NAALADL2: variants seen among roughly 807,000 people sequenced by gnomAD.
The protein encoded by NAALADL2 is inactive N-acetylated-alpha-linked acidic dipeptidase-like protein 2.
In NAALADL2, 76 loss-of-function variants were observed where a neutral mutation model predicts 87.2. The ratio of observed to expected loss-of-function variants is 0.87; its 90% CI spans 0.72 to 1.05. The LOEUF (loss-of-function observed/expected upper bound fraction) is 1.05, where lower values mean the gene tolerates loss of function less well. Ranked by LOEUF, NAALADL2 falls within the 50% of genes least tolerant of loss-of-function variation. The probability of loss-of-function intolerance (pLI) is 0.00; values close to 1 mark genes in which losing one functional copy is unlikely to be tolerated. For synonymous variants in NAALADL2, 354 were observed against 331.0 expected (o/e 1.07, Z -0.75); for missense variants, 1,089 against 945.8 (o/e 1.15, Z -1.99).
At chr3:174,538,232 T>G (rs940536552) in intron 1 of NAALADL2, among the ~76,000 whole-genome samples, 8 of 152,288 alleles carry the variant, frequency 5.3e-5, no homozygotes, top group Non-Finnish European at 1.0e-4. Flanking sequence ...AATAAAATTC[T>G]AAGTCCCCAG....
chr3:175,643,573 A>T (rs1729580236), intron 11 of NAALADL2, among the ~76,000 whole-genome samples: 1 of 152,276 alleles, frequency 6.6e-6, no homozygotes, highest in East Asian at 1.9e-4. Flanking sequence ...CTGGATTTAT[A>T]TAGGATTTGG....
chr3:174,735,670 C>T (rs1733122389), intron 2 of NAALADL2, among the ~76,000 whole-genome samples: 1 of 152,154 alleles, frequency 6.6e-6, no homozygotes, highest in Non-Finnish European at 1.5e-5. Context: ...AGTGATCCTT[C>T]CACCTCAGCC....
intron 5 of NAALADL2, among the ~76,000 whole-genome samples, chr3:175,384,295 GGCTTTT>G (rs1489912535): frequency 2.2e-4 from 34 of 151,960 alleles, no homozygotes; most frequent in Admixed American, 6.6e-5. Flanking sequence ...GTTGGCAAAA[GGCTTTT>G]GCTGGTATCC....
intron 5 of NAALADL2, among the ~76,000 whole-genome samples, chr3:175,377,224 A>G (rs1767239233): frequency 6.6e-6 from 1 of 152,102 alleles, no homozygotes; most frequent in Non-Finnish European, 1.5e-5. Context: ...AGGCTCGAGA[A>G]TCGAATGAAC....
chr3:174,524,777 G>C (rs1720586082), intron 1 of NAALADL2, among the ~76,000 whole-genome samples: 1 of 151,804 alleles, frequency 6.6e-6, no homozygotes, highest in Admixed American at 6.6e-5. Context: ...TGCTCAGGCT[G>C]ATCTCTCCTG....
chr3:175,014,289 C>G (rs559302399), intron 1 of NAALADL2, among the ~76,000 whole-genome samples: 1 of 152,138 alleles, frequency 6.6e-6, no homozygotes, highest in East Asian at 1.9e-4. Flanking sequence ...TATATCCTTG[C>G]TTCCTTCCCT....
At position 174,605,530 on chromosome 3, in the gene NAALADL2, C is replaced by T. The variant is rs192882388; in HGVS notation, c.-115+54893C>T. Among the ~76,000 whole-genome samples the T allele has an allele frequency of 4.7e-3, 709 of 152,276 alleles. 4 individuals carry two copies. The highest frequency in any genetic ancestry group is 6.7e-3 in the Non-Finnish European group (454 of 68,028). ...AGGAGATTATATCCTGCACCTGGCTCGGAGGGTCCTACGCCCACGGAGTCT... is the reference window on the plus strand; with the variant it reads ...AGGAGATTATATCCTGCACCTGGCTTGGAGGGTCCTACGCCCACGGAGTCT... On this transcript the variant is annotated intron_variant, in intron 2 of 3. Transcript: ENST00000434257.
At chr3:174,684,370 A>G (rs909675402) in intron 2 of NAALADL2, among the ~76,000 whole-genome samples, 1 of 152,124 alleles carries the variant, frequency 6.6e-6, no homozygotes, top group Non-Finnish European at 1.5e-5. Context: ...TGAGTTTACA[A>G]ATATACCTTT....
At chr3:174,615,522 G>A (rs1244482175) in intron 2 of NAALADL2, among the ~76,000 whole-genome samples, 1 of 152,180 alleles carries the variant, frequency 6.6e-6, no homozygotes, top group Admixed American at 6.6e-5. Flanking sequence ...ATTGCTTGGT[G>A]TATTAAGGAA....
rs76203395 is a variant in NAALADL2 at position 175,125,528 on chromosome 3, G to A, written c.545+28237G>A. On this transcript the variant is annotated intron_variant, in intron 2 of 13. Transcript: ENST00000454872. ...ATTGGATCCTTTATGTGTTTTGAAGGTCAAATGAACGGGATCCTTTGATTG... is the reference window on the plus strand; with the variant it reads ...ATTGGATCCTTTATGTGTTTTGAAGATCAAATGAACGGGATCCTTTGATTG... Among the ~76,000 whole-genome samples, 560 of 152,132 alleles carry A rather than the reference G, an allele frequency of 3.7e-3. 3 individuals are homozygous for A. Among genetic ancestry groups the A allele is most frequent in the South Asian group, 8.7e-3 (42 of 4,824 alleles).
Position 175,097,210 on chromosome 3 carries a change from C to G in NAALADL2, c.464C>G (p.Pro155Arg). 6.2e-7 allele frequency: 1 copy of G among 1,613,108 alleles called. No individual in the cohort carries two copies. Among genetic ancestry groups the G allele is most frequent in the African/African-American group, 1.3e-5 (1 of 74,990 alleles). Residue 155 changes from proline (P) to arginine (R), a missense_variant, in exon 2 of 14, where the codon CCA (proline) becomes CGA (arginine). Physicochemically the swap from Pro to Arg is moderately radical, Grantham distance 103. Coordinates refer to ENST00000454872, the MANE Select transcript of NAALADL2 (RefSeq NM_207015.3). ...CATACAAATTGCCCTTCAGATGCTCCATCTTCAGGAACAGTTGATCCTCAG... is the reference window on the plus strand; with the variant it reads ...CATACAAATTGCCCTTCAGATGCTCGATCTTCAGGAACAGTTGATCCTCAG... The part of the protein sequence containing the change: ...YVHTNCPSDA[P>R]SSGTVDPQLY...
At chr3:174,788,663 G>T (rs1160439580) in intron 3 of NAALADL2, among the ~76,000 whole-genome samples, 2 of 152,044 alleles carry the variant, frequency 1.3e-5, no homozygotes, top group Non-Finnish European at 2.9e-5. Flanking sequence ...GATACTAGGG[G>T]GTAGGGCTTC....
At chr3:175,348,194 G>C (rs530981024) in intron 5 of NAALADL2, among the ~76,000 whole-genome samples, 1 of 152,220 alleles carries the variant, frequency 6.6e-6, no homozygotes, top group East Asian at 1.9e-4. Context: ...TGGGATTACA[G>C]TCATGTGCCA....
intron 3 of NAALADL2, among the ~76,000 whole-genome samples, chr3:174,762,737 A>G (rs1689364547): frequency 6.6e-6 from 1 of 152,082 alleles, no homozygotes; most frequent in Admixed American, 6.5e-5. Flanking sequence ...GCATACTAAA[A>G]CTTACTATTT....
At chr3:174,693,438 T>C (rs1397686709) in intron 2 of NAALADL2, among the ~76,000 whole-genome samples, 1 of 152,156 alleles carries the variant, frequency 6.6e-6, no homozygotes, top group Non-Finnish European at 1.5e-5. Context: ...TTTTGGTCTT[T>C]ATTTTACTAC....
At chr3:175,523,625 A>ACCAAGCAATGGTGAG (rs1419250501) in intron 9 of NAALADL2, among the ~76,000 whole-genome samples, 1 of 152,220 alleles carries the variant, frequency 6.6e-6, no homozygotes, top group Non-Finnish European at 1.5e-5. Flanking sequence ...GTGAGCGTAC[A>ACCAAGCAATGGTGAG]CTTGGACAAG....
chr3:175,621,703 T>C (rs1726255189), intron 10 of NAALADL2, among the ~76,000 whole-genome samples: 1 of 152,196 alleles, frequency 6.6e-6, no homozygotes, highest in Admixed American at 6.5e-5. Context: ...TACATAGTAT[T>C]TACAATGTAT....
chr3:174,950,320 C>G (rs1464779337), intron 1 of NAALADL2, among the ~76,000 whole-genome samples: 1 of 151,960 alleles, frequency 6.6e-6, no homozygotes, highest in East Asian at 1.9e-4. Context: ...TTTATAATAC[C>G]TGGTATATCT....
intron 2 of NAALADL2, among the ~76,000 whole-genome samples, chr3:174,645,391 G>A (rs966807297): frequency 6.6e-6 from 1 of 152,118 alleles, no homozygotes; most frequent in Admixed American, 6.5e-5. Context: ...ACAAAAGCTC[G>A]GAGGAATAGG....
Sources: allele counts gnomAD v4.1 joint callset (sites outside exome capture counted in the v4.1 genomes callset), GRCh38; gene constraint gnomAD v4.1.1; transcripts MANE v1.5; gene names NCBI Gene and HGNC (gene_info 2026-07-23, HGNC 2026-07-21).